EXOC6: variants seen among roughly 807,000 people sequenced by gnomAD.
The protein encoded by EXOC6 is exocyst complex component 6.
EXOC6 carries 60 observed loss-of-function variants against 112.5 expected under a neutral mutation model. The observed-to-expected ratio is 0.53, with a 90% CI of 0.43 to 0.66. The LOEUF (loss-of-function observed/expected upper bound fraction) is 0.66, where lower values mean the gene tolerates loss of function less well. Among genes scored for constraint, EXOC6 ranks in the 30% least tolerant of loss-of-function variants. The pLI is 0.00. For synonymous variants in EXOC6, 295 were observed against 308.0 expected (o/e 0.96, Z 0.44); for missense variants, 855 against 957.1 (o/e 0.89, Z 1.41).
intron 18 of EXOC6, among the ~76,000 whole-genome samples, chr10:92,985,811 A>G (rs141942525): frequency 6.6e-6 from 1 of 152,198 alleles, no homozygotes; most frequent in East Asian, 1.9e-4. Flanking sequence ...CTGTAAAGGA[A>G]AAAGGTAGTA....
upstream of EXOC6, among the ~76,000 whole-genome samples, chr10:92,844,754 T>C (rs1237861572): frequency 6.6e-6 from 1 of 152,226 alleles, no homozygotes; most frequent in Non-Finnish European, 1.5e-5. Context: ...ATACATATAT[T>C]ATCTTCTTTA....
intron 1 of EXOC6, chr10:92,834,841 T>C: frequency 2.0e-6 from 3 of 1,492,140 alleles, no homozygotes; most frequent in Non-Finnish European, 2.8e-6. Flanking sequence ...CACCGTTGCA[T>C]TTTATTGTGT....
In EXOC6 at chr10:92,987,650, G is replaced by C. The variant is rs1018213812; in HGVS notation, c.1954-9824G>C. 3.1e-6 allele frequency: 3 copies of C among 982,890 alleles called. No homozygotes were observed. The African/African-American group carries it at 5.2e-5, about 17-fold the overall frequency. 60.9% of individuals were successfully genotyped at this position (982,890 alleles called of 1,614,324 possible). A position where few individuals can be genotyped will look rare whatever the true frequency, so the allele number is the denominator to read the frequency against. On this transcript the variant is annotated intron_variant, in intron 18 of 21. Coordinates refer to ENST00000260762, the MANE Select transcript of EXOC6 (RefSeq NM_019053.6). ...GATCATGCAGCCATGTCGGTAAGTA[G>C]ATATAAACTAAAGCTAGCATGTACA...
intron 1 of EXOC6, among the ~76,000 whole-genome samples, chr10:92,865,819 G>A (rs1364353555): frequency 6.6e-6 from 1 of 152,032 alleles, no homozygotes; most frequent in Non-Finnish European, 1.5e-5. Context: ...TGTTTTCTAT[G>A]TTATGTTTAT....
chr10:92,918,138 G>T (rs949490036), intron 7 of EXOC6, among the ~76,000 whole-genome samples: 4 of 151,916 alleles, frequency 2.6e-5, no homozygotes, highest in African/African-American at 9.7e-5. Flanking sequence ...AGAGTGAGAC[G>T]CCCATTTCAA....
chr10:92,869,654 A>G (rs1848343856), intron 1 of EXOC6, among the ~76,000 whole-genome samples: 1 of 152,146 alleles, frequency 6.6e-6, no homozygotes, highest in Non-Finnish European at 1.5e-5. Flanking sequence ...TCATATATAA[A>G]TGAATGCTGG....
chr10:93,049,760 G>T (rs1846194185), intron 20 of EXOC6, among the ~76,000 whole-genome samples: 1 of 152,080 alleles, frequency 6.6e-6, no homozygotes, highest in Non-Finnish European at 1.5e-5. Flanking sequence ...TTAATTGTAT[G>T]TCGAAACAGG....
intron 5 of EXOC6, among the ~76,000 whole-genome samples, chr10:92,902,172 A>G (rs549213905): frequency 2.2e-4 from 34 of 152,168 alleles, no homozygotes; most frequent in African/African-American, 2.4e-4. Flanking sequence ...TCTGTGGTCT[A>G]TCATTTCCTG....
At chr10:92,854,894 T>A (rs61860818) in intron 1 of EXOC6, among the ~76,000 whole-genome samples, 1,718 of 151,928 alleles carry the variant, frequency 0.011, 19 homozygotes, top group Non-Finnish European at 0.017. Context: ...TTGAGATGAG[T>A]ATTTGGGTTT....
At chr10:92,976,431 A>G (rs1842610782) in intron 18 of EXOC6, among the ~76,000 whole-genome samples, 1 of 151,982 alleles carries the variant, frequency 6.6e-6, no homozygotes, top group African/African-American at 2.4e-5. Context: ...AGGGCGGTGC[A>G]AGATGTGCTT....
At position 92,955,638 on chromosome 10, in the gene EXOC6, A is replaced by G; in HGVS notation, c.1697A>G (p.Asp566Gly). ...GAGCAAGCTTGTAAATATCTTGAGG[A>G]CTTTATAACTAACATTACAAATATT... ...HLEQACKYLEDFITNITNISQ... is the reference protein window; with the variant it reads ...HLEQACKYLEGFITNITNISQ... Residue 566 changes from aspartate to glycine, a missense_variant, in exon 17 of 22, where the codon GAC (aspartate) becomes GGC (glycine). Around this residue, in one of 2 missense-constraint regions of EXOC6, gnomAD observed 450 missense variants for 563.5 expected, o/e 0.80. Coordinates refer to ENST00000260762, the MANE Select transcript of EXOC6 (RefSeq NM_019053.6). 1 of 1,610,604 alleles carries G rather than the reference A, an allele frequency of 6.2e-7. No individual in the cohort carries two copies.
intron 21 of EXOC6, among the ~76,000 whole-genome samples, chr10:93,057,584 T>G (rs1024777782): frequency 2.6e-4 from 40 of 152,348 alleles, no homozygotes; most frequent in African/African-American, 8.2e-4. Flanking sequence ...ACAGACTTTT[T>G]CTTTACTCAA....
chr10:92,965,842 T>C (rs922918891), intron 17 of EXOC6, among the ~76,000 whole-genome samples: 13 of 152,178 alleles, frequency 8.5e-5, no homozygotes, highest in African/African-American at 3.1e-4. Flanking sequence ...GTCTGGATTA[T>C]AAAATAAGCA....
At chr10:92,923,615 C>T (rs1310832316) in intron 8 of EXOC6, among the ~76,000 whole-genome samples, 1 of 152,192 alleles carries the variant, frequency 6.6e-6, no homozygotes, top group Non-Finnish European at 1.5e-5. Flanking sequence ...GTCCTCATGA[C>T]ATGGCAGCTG....
intron 19 of EXOC6, among the ~76,000 whole-genome samples, chr10:93,001,977 G>A (rs1843778433): frequency 6.6e-6 from 1 of 152,044 alleles, no homozygotes; most frequent in African/African-American, 2.4e-5. Context: ...GAGATACTCA[G>A]GTGTACAGAA....
chr10:92,909,817 T>A (rs553262983), intron 6 of EXOC6, among the ~76,000 whole-genome samples, 186 bp downstream of exon 6: 2 of 152,330 alleles, frequency 1.3e-5, no homozygotes, highest in East Asian at 3.9e-4. Context: ...ATTCCTTTTT[T>A]AAGTAAAATC....
intron 13 of EXOC6, among the ~76,000 whole-genome samples, chr10:92,944,653 T>C (rs11815696): frequency 0.011 from 1,621 of 152,314 alleles, 33 homozygotes; most frequent in African/African-American, 0.037. Flanking sequence ...AATGGATATA[T>C]TAATTTACAT....
In EXOC6 at chr10:93,058,384, C is replaced by T; in HGVS notation, c.*29C>T. ...TCACATGGCTTGCACTCAGTGACAC[C>T]AAATCCATGATTCAATGTTGATCTT... On this transcript the variant is annotated 3_prime_UTR_variant, in exon 22 of 22. Coordinates refer to ENST00000260762, the MANE Select transcript of EXOC6 (RefSeq NM_019053.6). 6.4e-7 allele frequency: 1 copy of T among 1,553,964 alleles called. No individual in the cohort carries two copies. The highest frequency in any genetic ancestry group is 8.7e-7 in the Non-Finnish European group (1 of 1,154,728).
chr10:92,927,626 A>G (rs1431201834), intron 8 of EXOC6, among the ~76,000 whole-genome samples: 1 of 152,248 alleles, frequency 6.6e-6, no homozygotes, highest in Non-Finnish European at 1.5e-5. Context: ...CAGCACAGAC[A>G]TAGTAAACGT....
Sources: allele counts gnomAD v4.1 joint callset (sites outside exome capture counted in the v4.1 genomes callset), GRCh38; gene constraint gnomAD v4.1.1; regional missense constraint gnomAD v4.1.1; transcripts MANE v1.5; gene names NCBI Gene and HGNC (gene_info 2026-07-23, HGNC 2026-07-21).